UBASH3B: variants seen among roughly 807,000 people sequenced by gnomAD.
UBASH3B encodes ubiquitin associated and SH3 domain containing B.
A neutral mutation model predicts 83.4 loss-of-function variants in UBASH3B; 37 were observed. The ratio of observed to expected loss-of-function variants is 0.44; its 90% CI spans 0.34 to 0.58. The LOEUF is 0.58. UBASH3B is among the 20% of genes least tolerant of loss of function. UBASH3B has a pLI of 0.01. For synonymous variants in UBASH3B, 304 were observed against 318.3 expected (o/e 0.96, Z 0.48); for missense variants, 657 against 827.2 (o/e 0.79, Z 2.52).
chr11:122,729,975 T>TAAAAAAAAAAA, intron 1 of UBASH3B, among the ~76,000 whole-genome samples: 1 of 27,944 alleles, frequency 3.6e-5, no homozygotes, highest in Non-Finnish European at 5.5e-5. Context: ...AGACCCTATC[T>TAAAAAAAAAAA]AAAAAAAAAA....
chr11:122,658,162 C>A (rs12418320), intron 1 of UBASH3B, among the ~76,000 whole-genome samples: 1 of 139,702 alleles, frequency 7.2e-6, no homozygotes, highest in African/African-American at 2.7e-5. Flanking sequence ...GGTTACAGAG[C>A]GAGACTTCAT....
rs1206919509 is a variant in UBASH3B, at chr11:122,776,121, C to T, written c.162-98C>T. The T allele has an allele frequency of 4.5e-6, 5 of 1,107,216 alleles. No individual in the cohort carries two copies. The Admixed American group carries it at 1.1e-4, about 25-fold the overall frequency. The allele number at this position is 1,107,216 out of a possible 1,614,324, so 68.6% of individuals were successfully genotyped here. A position where few individuals can be genotyped will look rare whatever the true frequency, so the allele number is the denominator to read the frequency against. On this transcript the variant is annotated intron_variant, in intron 1 of 13. Transcript: ENST00000284273. ...CCCCACCACAGAGGATTGAGTGGAA[C>T]ACAGGCTTTGATGTCGCCTCCTTCA...
At chr11:122,761,225 GGCCTCA>G (rs1237974590) in intron 1 of UBASH3B, among the ~76,000 whole-genome samples, 1 of 152,154 alleles carries the variant, frequency 6.6e-6, no homozygotes, top group Non-Finnish European at 1.5e-5. Flanking sequence ...CTGGTAGAAA[GGCCTCA>G]GCTTAGTTAT....
intron 9 of UBASH3B, 87 bp from the exon 10 acceptor site, chr11:122,798,855 C>T (rs1283435222): frequency 1.1e-5 from 11 of 1,006,694 alleles, no homozygotes; most frequent in Middle Eastern, 2.2e-4. Context: ...TTTACAGGAG[C>T]TTACTGCTTG....
Position 122,789,253 on chromosome 11 carries a change from C to A in UBASH3B, c.925C>A (p.Leu309Met). 1 of 1,614,246 alleles carries A rather than the reference C, an allele frequency of 6.2e-7. No individual in the cohort carries two copies. The highest frequency in any genetic ancestry group is 8.5e-7 in the Non-Finnish European group (1 of 1,180,044). ...CTTAACCACCGGCTGCTCTGGACTC[C>A]TGCCTGAGAATTACATTACCAAGGC... ...TSLTTGCSGL[L>M]PENYITKADE... The change falls in exon 6 of 14, where the codon CTG (leucine) becomes ATG (methionine). Residue 309 changes from leucine to methionine, a missense_variant. This residue lies in a region of UBASH3B where 573 missense variants were observed against 739.0 expected (regional missense o/e 0.78). Transcript: ENST00000284273.
chr11:122,691,357 G>A (rs1297775109), intron 1 of UBASH3B, among the ~76,000 whole-genome samples: 2 of 152,126 alleles, frequency 1.3e-5, no homozygotes, highest in Non-Finnish European at 2.9e-5. Context: ...ACTCTTTTCT[G>A]GACAAATCTT....
intron 1 of UBASH3B, among the ~76,000 whole-genome samples, chr11:122,661,853 T>A (rs1308137378): frequency 7.7e-6 from 1 of 130,122 alleles, no homozygotes; most frequent in Non-Finnish European, 1.6e-5. Flanking sequence ...CACGAGGTCC[T>A]GGTTCCAAAA....
rs1003959037 is a variant in UBASH3B, at chr11:122,656,000, C to T, written c.-50C>T. ...CCCAGCCCGACTCCCTCCTCCTTCC[C>T]GAACCATCCGGCTCGGGCTCCTTCC... On this transcript the variant is annotated 5_prime_UTR_variant, in exon 1 of 14. Coordinates refer to ENST00000284273, the MANE Select transcript of UBASH3B (RefSeq NM_032873.5). 29 of 1,470,216 alleles carry T rather than the reference C, an allele frequency of 2.0e-5. No homozygotes were observed. The highest frequency in any genetic ancestry group is 2.4e-5 in the Non-Finnish European group (26 of 1,103,534). 91.1% of individuals were successfully genotyped at this position (1,470,216 alleles called of 1,614,324 possible). A position where few individuals can be genotyped will look rare whatever the true frequency, so the allele number is the denominator to read the frequency against.
At chr11:122,752,395 G>A (rs80016072) in intron 1 of UBASH3B, among the ~76,000 whole-genome samples, 2,601 of 152,298 alleles carry the variant, frequency 0.017, 76 homozygotes, top group African/African-American at 0.058. Context: ...GGTTATAGGG[G>A]GCGCGAGTTA....
At position 122,738,869 on chromosome 11, in the gene UBASH3B, A is replaced by G. The variant is rs575169078; in HGVS notation, c.162-37350A>G. 9.1e-4 allele frequency among the ~76,000 whole-genome samples: 134 copies of G among 146,982 alleles called. 1 individual carries two copies. The highest frequency in any genetic ancestry group is 4.9e-4 in the Admixed American group (7 of 14,196). On this transcript the variant is annotated intron_variant, in intron 1 of 13. Coordinates refer to ENST00000284273, the MANE Select transcript of UBASH3B (RefSeq NM_032873.5). ...ACCATTGCACCCCAGCCTGGGCAAC[A>G]AGAGTGAAACTCTGTCTCAAAAAAA...
chr11:122,777,949 T>C (rs533464658), intron 3 of UBASH3B, among the ~76,000 whole-genome samples: 34 of 152,170 alleles, frequency 2.2e-4, no homozygotes, highest in South Asian at 4.2e-4. Flanking sequence ...AGGCTGGTCT[T>C]GAACTCTTCA....
intron 1 of UBASH3B, among the ~76,000 whole-genome samples, chr11:122,688,633 T>TTATTTTATTTTATTC (rs1863840945): frequency 1.2e-5 from 1 of 80,528 alleles, no homozygotes. Flanking sequence ...TTCTTTTATT[T>TTATTTTATTTTATTC]TATTTTATTT....
intron 1 of UBASH3B, among the ~76,000 whole-genome samples, chr11:122,767,339 C>CTT (rs1860562778): frequency 8.9e-6 from 1 of 112,238 alleles, no homozygotes; most frequent in African/African-American, 3.4e-5. Flanking sequence ...GATGGAGTCT[C>CTT]TCTCTCTGTC....
intron 1 of UBASH3B, among the ~76,000 whole-genome samples, chr11:122,765,788 C>G (rs928538677): frequency 6.6e-6 from 1 of 152,124 alleles, no homozygotes; most frequent in Non-Finnish European, 1.5e-5. Context: ...TGTTTTAAGT[C>G]CTGGACCTGG....
intron 1 of UBASH3B, among the ~76,000 whole-genome samples, chr11:122,706,484 T>TAACAATA (rs1864121709): frequency 6.6e-6 from 1 of 152,162 alleles, no homozygotes; most frequent in Non-Finnish European, 1.5e-5. Context: ...GCTAACAACT[T>TAACAATA]GTGTTGTTAA....
At chr11:122,688,774 A>T (rs569391854) in intron 1 of UBASH3B, among the ~76,000 whole-genome samples, 121 of 151,658 alleles carry the variant, frequency 8.0e-4, no homozygotes, top group African/African-American at 2.9e-3. Context: ...CCTCCCTAGT[A>T]GCTGGGACTA....
At chr11:122,750,117 A>G (rs1861177249) in intron 1 of UBASH3B, among the ~76,000 whole-genome samples, 1 of 152,226 alleles carries the variant, frequency 6.6e-6, no homozygotes, top group South Asian at 2.1e-4. Context: ...TAAATAGCAG[A>G]GCCAAGGCTC....
chr11:122,772,322 T>C (rs1022324235), intron 1 of UBASH3B, among the ~76,000 whole-genome samples: 10 of 152,218 alleles, frequency 6.6e-5, no homozygotes, highest in African/African-American at 2.4e-4. Flanking sequence ...GTGAGCTCTC[T>C]AAGGGTAGGG....
chr11:122,726,493 G>T (rs745900750), intron 1 of UBASH3B, among the ~76,000 whole-genome samples: 8 of 151,912 alleles, frequency 5.3e-5, no homozygotes, highest in Non-Finnish European at 8.8e-5. Context: ...GGGATTACAG[G>T]TGTCTGCTAC....
Sources: gnomAD v4.1 joint callset for allele counts (sites outside exome capture counted in the v4.1 genomes callset) on GRCh38, gnomAD v4.1.1 for gene constraint, gnomAD v4.1.1 regional missense constraint, MANE v1.5 for transcripts, NCBI Gene and HGNC (gene_info 2026-07-23, HGNC 2026-07-21) for gene names.